PAPPA2: variants seen among roughly 807,000 people sequenced by gnomAD.
PAPPA2 encodes the protein pappalysin 2.
PAPPA2 carries 86 observed loss-of-function variants against 176.4 expected under a neutral mutation model. That is an observed-to-expected ratio of 0.49 (90% CI 0.41 to 0.58). The LOEUF is 0.58. Ranked by LOEUF, PAPPA2 falls within the 20% of genes least tolerant of loss-of-function variation. The pLI is 0.00. For synonymous variants in PAPPA2, 809 were observed against 852.2 expected (o/e 0.95, Z 0.88); for missense variants, 2,073 against 2,256.9 (o/e 0.92, Z 1.65).
chr1:176,827,360 C>A (rs1039443452), intron 21 of PAPPA2, among the ~76,000 whole-genome samples: 1 of 152,176 alleles, frequency 6.6e-6, no homozygotes, highest in African/African-American at 2.4e-5. Flanking sequence ...TAGTTCCAAA[C>A]TTGCATCATT....
chr1:176,582,637 T>A (rs1573076364), intron 2 of PAPPA2, among the ~76,000 whole-genome samples: 1 of 152,194 alleles, frequency 6.6e-6, no homozygotes, highest in African/African-American at 2.4e-5. Context: ...TGTTTTTTTT[T>A]ATGTGCTGTT....
chr1:176,493,821 A>G (rs1647442562), intron 1 of PAPPA2, among the ~76,000 whole-genome samples: 1 of 152,236 alleles, frequency 6.6e-6, no homozygotes, highest in South Asian at 2.1e-4. Flanking sequence ...CTAAATAAAC[A>G]GTTCAGGAGA....
rs151323641 is a variant in PAPPA2 at position 176,512,914 on chromosome 1, G to A, written c.-916-42493G>A. 2.1e-3 allele frequency among the ~76,000 whole-genome samples: 322 copies of A among 152,272 alleles called. 4 individuals are homozygous for A. Among genetic ancestry groups the A allele is most frequent in the African/African-American group, 7.5e-3 (312 of 41,554 alleles). ...AATGCTTCTGGGTATCAGACTGAGT[G>A]CCATTCTCACCAGGTATTTTGCAGG... On this transcript the variant is annotated intron_variant, in intron 1 of 22. Coordinates refer to ENST00000367662, the MANE Select transcript of PAPPA2 (RefSeq NM_020318.3).
chr1:176,790,541 C>T (rs1009444364), intron 18 of PAPPA2, among the ~76,000 whole-genome samples: 2 of 152,164 alleles, frequency 1.3e-5, no homozygotes, highest in Non-Finnish European at 2.9e-5. Flanking sequence ...AGGTCAGCGT[C>T]CTTGTCTGCT....
chr1:176,482,398 G>A (rs1238826404), intron 1 of PAPPA2, among the ~76,000 whole-genome samples: 4 of 152,278 alleles, frequency 2.6e-5, no homozygotes, highest in Non-Finnish European at 5.9e-5. Flanking sequence ...TGGATACTTT[G>A]GGCGAGTCAC....
intron 3 of PAPPA2, among the ~76,000 whole-genome samples, chr1:176,653,941 T>C (rs529968603): frequency 6.6e-6 from 1 of 151,930 alleles, no homozygotes; most frequent in East Asian, 1.9e-4. Context: ...TCTTCATTAC[T>C]GTTTCTCAGA....
chr1:176,803,969 C>T (rs965948825), intron 21 of PAPPA2, among the ~76,000 whole-genome samples: 5 of 152,154 alleles, frequency 3.3e-5, no homozygotes, highest in Non-Finnish European at 7.3e-5. Flanking sequence ...ATTTGTCCCA[C>T]CTGTGGGGTG....
rs1050741640 is a variant in PAPPA2 at position 176,490,529 on chromosome 1, C to T, written c.-917+27111C>T. ...AATGTAGAATCATAAAAGCAGGAAA[C>T]CTATGTCTGTTTGGCATACTTTGGT... On this transcript the variant is annotated intron_variant, in intron 1 of 22. Coordinates refer to ENST00000367662, the MANE Select transcript of PAPPA2 (RefSeq NM_020318.3). Among the ~76,000 whole-genome samples the T allele has an allele frequency of 2.6e-5, 4 of 152,112 alleles. No homozygotes were observed. The East Asian group carries it at 5.8e-4, about 22-fold the overall frequency.
intron 1 of PAPPA2, among the ~76,000 whole-genome samples, chr1:176,536,129 T>C (rs1200798915): frequency 6.6e-6 from 1 of 152,162 alleles, no homozygotes; most frequent in Non-Finnish European, 1.5e-5. Context: ...AATAATAGCA[T>C]CATTAGCAAC....
intron 1 of PAPPA2, among the ~76,000 whole-genome samples, chr1:176,517,755 C>T (rs12064625): frequency 0.29 from 43,740 of 152,016 alleles, 7,522 homozygotes; most frequent in African/African-American, 0.47. Flanking sequence ...GGCAGTCAGG[C>T]GCCTTTCATT....
At chr1:176,704,029 G>T (rs974830567) in intron 9 of PAPPA2, among the ~76,000 whole-genome samples, 1 of 152,092 alleles carries the variant, frequency 6.6e-6, no homozygotes, top group African/African-American at 2.4e-5. Context: ...GACCCTCCTT[G>T]AACAAAACAC....
intron 21 of PAPPA2, among the ~76,000 whole-genome samples, chr1:176,811,138 C>T (rs1571361148): frequency 6.6e-6 from 1 of 152,226 alleles, no homozygotes; most frequent in South Asian, 2.1e-4. Context: ...GATGGAATTG[C>T]TACTGCTCTT....
At chr1:176,598,839 C>T (rs932183162) in intron 3 of PAPPA2, among the ~76,000 whole-genome samples, 2 of 152,086 alleles carry the variant, frequency 1.3e-5, no homozygotes, top group African/African-American at 4.8e-5. Flanking sequence ...CCTGGGACTT[C>T]TCTTCAATGC....
chr1:176,720,758 C>G (rs888471260), intron 12 of PAPPA2, among the ~76,000 whole-genome samples: 8 of 152,028 alleles, frequency 5.3e-5, no homozygotes, highest in African/African-American at 1.9e-4. Flanking sequence ...ACCTGGGATG[C>G]TGGTAGCATG....
rs1487821272 is a variant in PAPPA2 at position 176,800,074 on chromosome 1, C to T, written c.5144C>T (p.Thr1715Ile). The change falls in exon 21 of 23, where the codon ACT (threonine) becomes ATT (isoleucine). Residue 1715 changes from threonine to isoleucine, a missense_variant. Thr to Ile is a moderately conservative substitution (Grantham distance 89, BLOSUM62 -1). This residue lies in a region of PAPPA2 where 846 missense variants were observed against 857.9 expected (regional missense o/e 0.99). Transcript: ENST00000367662. Reference protein sequence around the residue: ...EPVKVQSIVCTGRRQWHPDPV... With the variant: ...EPVKVQSIVCIGRRQWHPDPV... ...CTTTCCCCTTAGAGCATTGTGTGCA[C>T]TGGCCGGCGTCAATGGCACCCAGAC... 3 of 1,614,028 alleles carry T rather than the reference C, an allele frequency of 1.9e-6. No individual in the cohort carries two copies. Among genetic ancestry groups the T allele is most frequent in the Middle Eastern group, 3.3e-4 (2 of 6,060 alleles).
chr1:176,549,232 CCT>C (rs1650806686), intron 1 of PAPPA2, among the ~76,000 whole-genome samples: 1 of 152,288 alleles, frequency 6.6e-6, no homozygotes, highest in African/African-American at 2.4e-5. Flanking sequence ...ACACAGTACC[CCT>C]GTTTCTGCAT....
intron 21 of PAPPA2, among the ~76,000 whole-genome samples, chr1:176,835,498 A>G (rs930745933): frequency 2.0e-5 from 3 of 152,122 alleles, no homozygotes; most frequent in Non-Finnish European, 4.4e-5. Flanking sequence ...TCTCACAAGC[A>G]CTTGCCTTTC....
intron 3 of PAPPA2, among the ~76,000 whole-genome samples, chr1:176,660,385 G>C (rs1243702656): frequency 6.6e-6 from 1 of 151,526 alleles, no homozygotes; most frequent in Non-Finnish European, 1.5e-5. Flanking sequence ...TTTTACATCA[G>C]AAACTTTTAG....
intron 4 of PAPPA2, among the ~76,000 whole-genome samples, chr1:176,673,660 G>T (rs1334064050): frequency 1.3e-5 from 2 of 152,080 alleles, no homozygotes; most frequent in South Asian, 2.1e-4. Context: ...AACTTTATTA[G>T]AATTGGGCAT....
Sources: gnomAD v4.1 joint callset for allele counts (sites outside exome capture counted in the v4.1 genomes callset) on GRCh38, gnomAD v4.1.1 for gene constraint, gnomAD v4.1.1 regional missense constraint, MANE v1.5 for transcripts, NCBI Gene and HGNC (gene_info 2026-07-23, HGNC 2026-07-21) for gene names.